The following TAFA2 variants were observed in gnomAD, a reference collection of about 807,000 sequenced individuals.
The protein encoded by TAFA2 is chemokine-like protein TAFA-2.
In TAFA2, 7 loss-of-function variants were observed where a neutral mutation model predicts 18.8. The ratio of observed to expected loss-of-function variants is 0.37; its 90% confidence interval spans 0.21 to 0.70. The LOEUF (loss-of-function observed/expected upper bound fraction) is 0.70. Among genes scored for constraint, TAFA2 ranks in the 30% least tolerant of loss-of-function variants. The pLI, the probability that TAFA2 is intolerant of heterozygous loss-of-function variation, is 0.53. For synonymous variants in TAFA2, 60 were observed against 54.2 expected (o/e 1.11, Z -0.47); for missense variants, 122 against 158.1 (o/e 0.77, Z 1.23).
At chr12:61,816,987 G>T (rs1463937107) in intron 2 of TAFA2, among the ~76,000 whole-genome samples, 1 of 151,280 alleles carries the variant, frequency 6.6e-6, no homozygotes, top group African/African-American at 2.5e-5. Context: ...AGTATTTACT[G>T]TCTACCAGGT....
At chr12:62,033,601 A>T (rs74412714) in intron 1 of TAFA2, among the ~76,000 whole-genome samples, 80 of 152,308 alleles carry the variant, frequency 5.3e-4, no homozygotes, top group African/African-American at 1.8e-3. Context: ...TGACTAGAAA[A>T]TCAATTTCTA....
In TAFA2 at chr12:61,737,822, G is replaced by T. The variant is rs145494419; in HGVS notation, c.384+15800C>A. On this transcript the variant is annotated intron_variant, in intron 4 of 4. Coordinates refer to ENST00000416284, the MANE Select transcript of TAFA2 (RefSeq NM_178539.5). Reference sequence around the variant, plus strand: ...GAAATCTAATTATTTAATAAATAAGGCAGTAAGCACAAATGTATTTCTAGC... The same window carrying T: ...GAAATCTAATTATTTAATAAATAAGTCAGTAAGCACAAATGTATTTCTAGC... Among the ~76,000 whole-genome samples, 347 of 151,794 alleles carry T rather than the reference G, an allele frequency of 2.3e-3. 3 individuals carry two copies. Among genetic ancestry groups the T allele is most frequent in the African/African-American group, 7.8e-3 (323 of 41,432 alleles).
chr12:62,082,316 G>A lies in TAFA2; in HGVS notation c.-2+108943C>T, dbSNP rs543104590. ...TTCCTTTGGGTATATACCAGTAATG[G>A]AATTTCTGGGTCAAATGGTATTTCT... On this transcript the variant is annotated intron_variant, in intron 1 of 4. Coordinates refer to ENST00000416284, the MANE Select transcript of TAFA2 (RefSeq NM_178539.5). Among the ~76,000 whole-genome samples, 4 of 152,280 alleles carry A rather than the reference G, an allele frequency of 2.6e-5. No individual in the cohort carries two copies. The South Asian group carries it at 8.3e-4, about 32-fold the overall frequency.
intron 1 of TAFA2, among the ~76,000 whole-genome samples, chr12:62,025,959 C>T (rs1881298341): frequency 1.3e-5 from 2 of 152,046 alleles, no homozygotes; most frequent in African/African-American, 2.4e-5. Context: ...GTAATACACA[C>T]TAACATGGCA....
intron 1 of TAFA2, among the ~76,000 whole-genome samples, chr12:61,965,059 T>C (rs1373952651): frequency 6.6e-6 from 1 of 151,906 alleles, no homozygotes; most frequent in Non-Finnish European, 1.5e-5. Flanking sequence ...ATTATCAATG[T>C]ATCCCCCAAA....
chr12:62,053,457 A>G (rs143782814), intron 1 of TAFA2, among the ~76,000 whole-genome samples: 26 of 152,344 alleles, frequency 1.7e-4, no homozygotes, highest in African/African-American at 5.8e-4. Context: ...AAATTGTTAT[A>G]TGAATATAAT....
intron 1 of TAFA2, among the ~76,000 whole-genome samples, chr12:61,993,118 C>A (rs1048522618): frequency 6.6e-6 from 1 of 152,198 alleles, no homozygotes; most frequent in Admixed American, 6.5e-5. Flanking sequence ...AGCCTCTCTG[C>A]TCACTAAACA....
intron 1 of TAFA2, among the ~76,000 whole-genome samples, chr12:61,940,359 G>C (rs1877949371): frequency 1.3e-5 from 2 of 152,212 alleles, no homozygotes; most frequent in South Asian, 2.1e-4. Context: ...AGAAAATAAA[G>C]TGCAAAGGGA....
intron 1 of TAFA2, among the ~76,000 whole-genome samples, chr12:61,908,632 G>T (rs1876466962): frequency 6.6e-6 from 1 of 152,124 alleles, no homozygotes; most frequent in Non-Finnish European, 1.5e-5. Context: ...CTAACCTAGT[G>T]ATATGCAGTG....
At chr12:62,049,802 C>T (rs1882003108) in intron 1 of TAFA2, among the ~76,000 whole-genome samples, 1 of 152,018 alleles carries the variant, frequency 6.6e-6, no homozygotes, top group Non-Finnish European at 1.5e-5. Flanking sequence ...ATATTAGAAA[C>T]AAGAGAATAT....
chr12:61,957,153 G>T (rs1342301596), intron 1 of TAFA2, among the ~76,000 whole-genome samples: 1 of 152,088 alleles, frequency 6.6e-6, no homozygotes, highest in East Asian at 1.9e-4. Flanking sequence ...TTCTCAAATG[G>T]CAATGACTAG....
At chr12:62,153,070 C>T (rs2062340462) in intron 1 of TAFA2, among the ~76,000 whole-genome samples, 1 of 152,082 alleles carries the variant, frequency 6.6e-6, no homozygotes. Flanking sequence ...TGAATGAATA[C>T]AATGTCTAAT....
chr12:61,771,990 A>G (rs889458828), intron 2 of TAFA2, among the ~76,000 whole-genome samples: 11 of 152,088 alleles, frequency 7.2e-5, no homozygotes, highest in African/African-American at 2.4e-4. Context: ...AACAAGATTA[A>G]ATAGGAAAAG....
chr12:61,998,375 A>T (rs938845531), intron 1 of TAFA2, among the ~76,000 whole-genome samples: 3 of 152,124 alleles, frequency 2.0e-5, no homozygotes. Flanking sequence ...TCCTCCCCTT[A>T]CCCTCATCTT....
At chr12:62,169,845 C>T (rs1213251512) in intron 1 of TAFA2, among the ~76,000 whole-genome samples, 2 of 112,912 alleles carry the variant, frequency 1.8e-5, no homozygotes, top group African/African-American at 7.2e-5. Context: ...GGCGAGACTC[C>T]GTCTCAAAAA....
At chr12:61,832,754 T>C (rs1319696214) in intron 2 of TAFA2, among the ~76,000 whole-genome samples, 1 of 152,006 alleles carries the variant, frequency 6.6e-6, no homozygotes, top group African/African-American at 2.4e-5. Context: ...ATAGGACTTA[T>C]GATTCTCTTC....
At chr12:62,056,841 C>A (rs1882199930) in intron 1 of TAFA2, among the ~76,000 whole-genome samples, 1 of 152,134 alleles carries the variant, frequency 6.6e-6, no homozygotes, top group African/African-American at 2.4e-5. Context: ...TAACAATAAC[C>A]ACAACAACAA....
intron 4 of TAFA2, among the ~76,000 whole-genome samples, chr12:61,721,607 TCATGA>T (rs1310750072): frequency 3.3e-5 from 5 of 152,204 alleles, no homozygotes; most frequent in Non-Finnish European, 5.9e-5. Context: ...AGAATGAGAT[TCATGA>T]CATATTTCAG....
At chr12:61,772,393 C>T (rs1260017925) in intron 2 of TAFA2, among the ~76,000 whole-genome samples, 1 of 151,670 alleles carries the variant, frequency 6.6e-6, no homozygotes, top group East Asian at 1.9e-4. Context: ...CCAGTATCAC[C>T]CTAAAGCCAA....
Sources: gnomAD v4.1 joint callset for allele counts (sites outside exome capture counted in the v4.1 genomes callset) on GRCh38, gnomAD v4.1.1 for gene constraint, MANE v1.5 for transcripts, NCBI Gene and HGNC (gene_info 2026-07-23, HGNC 2026-07-21) for gene names.